The following LMBR1 variants were observed in gnomAD, a reference collection of about 807,000 sequenced individuals.
LMBR1 encodes the protein limb development membrane protein 1, also known as limb region 1 protein homolog.
Under a neutral mutation model 73.9 loss-of-function variants are expected in LMBR1, and 52 were observed. The observed-to-expected ratio is 0.70, with a 90% CI of 0.56 to 0.89. The LOEUF (loss-of-function observed/expected upper bound fraction) is 0.89, where lower values mean the gene tolerates loss of function less well. LMBR1 is among the 40% of genes least tolerant of loss of function. The probability of loss-of-function intolerance (pLI) is 0.00; values close to 1 mark genes in which losing one functional copy is unlikely to be tolerated. For synonymous variants in LMBR1, 215 were observed against 209.4 expected (o/e 1.03, Z -0.23); for missense variants, 539 against 579.8 (o/e 0.93, Z 0.72).
At chr7:156,690,423 G>A (rs149011693) in intron 15 of LMBR1, among the ~76,000 whole-genome samples, 1 of 152,172 alleles carries the variant, frequency 6.6e-6, no homozygotes, top group African/African-American at 2.4e-5. Context: ...TACCAGCCCT[G>A]TACATGGCCT....
At chr7:156,755,376 C>A (rs1360314338) in intron 9 of LMBR1, among the ~76,000 whole-genome samples, 3 of 152,158 alleles carry the variant, frequency 2.0e-5, no homozygotes, top group African/African-American at 7.2e-5. Context: ...AAAGTCAATT[C>A]AAAATTCTTC....
intron 9 of LMBR1, among the ~76,000 whole-genome samples, chr7:156,742,399 C>A (rs1819062981): frequency 6.6e-6 from 1 of 151,572 alleles, no homozygotes; most frequent in Non-Finnish European, 1.5e-5. Flanking sequence ...AAGAGAAGAT[C>A]CAAATAAAAT....
intron 1 of LMBR1, among the ~76,000 whole-genome samples, chr7:156,843,572 G>T (rs1839082027): frequency 6.6e-6 from 1 of 152,130 alleles, no homozygotes; most frequent in Non-Finnish European, 1.5e-5. Flanking sequence ...AAGGCTGGGT[G>T]CAGTGGCTCC....
At chr7:156,737,923 A>T (rs186153099) in intron 9 of LMBR1, among the ~76,000 whole-genome samples, 342 of 152,308 alleles carry the variant, frequency 2.2e-3, no homozygotes, top group Admixed American at 4.6e-3. Flanking sequence ...GCGGAGCAAG[A>T]TGACCAAATA....
chr7:156,754,808 A>T (rs1432999744), intron 9 of LMBR1, among the ~76,000 whole-genome samples: 1 of 152,120 alleles, frequency 6.6e-6, no homozygotes, highest in Non-Finnish European at 1.5e-5. Flanking sequence ...TTCTAAGCAT[A>T]CCCTACTGAA....
At chr7:156,886,080 G>A (rs1238080213) in intron 1 of LMBR1, among the ~76,000 whole-genome samples, 2 of 151,728 alleles carry the variant, frequency 1.3e-5, no homozygotes, top group East Asian at 1.9e-4. Context: ...CCTTCAAGTA[G>A]GAAGATCTCT....
chr7:156,770,097 A>G (rs1051039963), intron 5 of LMBR1, among the ~76,000 whole-genome samples: 8 of 152,256 alleles, frequency 5.3e-5, no homozygotes, highest in African/African-American at 1.7e-4. Flanking sequence ...TAATAAACCT[A>G]AAGTAATCCC....
At chr7:156,713,922 T>A (rs1223662850) in intron 15 of LMBR1, among the ~76,000 whole-genome samples, 2 of 152,214 alleles carry the variant, frequency 1.3e-5, no homozygotes, top group African/African-American at 4.8e-5. Context: ...TAAGTTAAAT[T>A]TTTAAAGAAT....
chr7:156,698,317 T>C (rs1416269024), intron 15 of LMBR1, among the ~76,000 whole-genome samples: 1 of 152,214 alleles, frequency 6.6e-6, no homozygotes, highest in Admixed American at 6.5e-5. Context: ...ATCTACCATT[T>C]TGAGGTCTGG....
chr7:156,797,259 G>A (rs1830202265), intron 4 of LMBR1, among the ~76,000 whole-genome samples: 1 of 152,184 alleles, frequency 6.6e-6, no homozygotes, highest in African/African-American at 2.4e-5. Flanking sequence ...AAAAGACAGA[G>A]CCCTGTTAGG....
chr7:156,841,101 A>G (rs1586163492), intron 1 of LMBR1, among the ~76,000 whole-genome samples: 1 of 152,192 alleles, frequency 6.6e-6, no homozygotes. Context: ...CTCAGAAGAC[A>G]TGGAATTCTG....
chr7:156,765,316 T>G (rs1823887446), intron 5 of LMBR1, among the ~76,000 whole-genome samples: 1 of 152,130 alleles, frequency 6.6e-6, no homozygotes, highest in Admixed American at 6.5e-5. Flanking sequence ...TGATATTGAG[T>G]GAGTTCTCAT....
chr7:156,791,013 G>T (rs537798951), intron 5 of LMBR1, among the ~76,000 whole-genome samples: 1 of 152,080 alleles, frequency 6.6e-6, no homozygotes, highest in Non-Finnish European at 1.5e-5. Context: ...GTAAAAACTA[G>T]TGCTCTCAAT....
At chr7:156,883,315 C>G (rs1048463784) in intron 1 of LMBR1, among the ~76,000 whole-genome samples, 2 of 151,808 alleles carry the variant, frequency 1.3e-5, no homozygotes, top group Non-Finnish European at 2.9e-5. Context: ...AGGAGAATTG[C>G]TTGAACTCGG....
At position 156,826,717 on chromosome 7, in the gene LMBR1, T is replaced by G. The variant is rs1401123647; in HGVS notation, c.207A>C (p.Ala69=). The part of the protein sequence containing the change: ...ISLFLSTFTL[A]VSAGAVLLLP... ...AAAGCAAAACAGCCCCAGCTGACAC[T>G]GCGAGAGTGAACGTGCTCAAAAACA... Residue 69 remains alanine, a synonymous_variant, in exon 4 of 17, where the codon GCA becomes GCC. Coordinates refer to ENST00000353442, the MANE Select transcript of LMBR1 (RefSeq NM_022458.4). 2 of 1,611,602 alleles carry G rather than the reference T, an allele frequency of 1.2e-6. No individual in the cohort carries two copies. The highest frequency in any genetic ancestry group is 2.2e-5 in the East Asian group (1 of 44,860).
chr7:156,779,843 C>T (rs1439365134), intron 5 of LMBR1: 1 of 389,454 alleles, frequency 2.6e-6, no homozygotes, highest in Non-Finnish European at 4.8e-6. Context: ...CTATTGTTTT[C>T]ACTTAACAAA....
intron 4 of LMBR1, among the ~76,000 whole-genome samples, chr7:156,813,560 T>A (rs1014632031): frequency 1.3e-5 from 2 of 152,178 alleles, no homozygotes; most frequent in African/African-American, 4.8e-5. Context: ...GAAATATACG[T>A]TCTCTTCATT....
At chr7:156,719,081 C>T (rs1340542789) in intron 15 of LMBR1, among the ~76,000 whole-genome samples, 1 of 151,596 alleles carries the variant, frequency 6.6e-6, no homozygotes, top group Admixed American at 6.6e-5. Flanking sequence ...GTGCTGCACC[C>T]ATTAACTCGT....
At chr7:156,704,169 C>G (rs572691366) in intron 15 of LMBR1, among the ~76,000 whole-genome samples, 1 of 152,298 alleles carries the variant, frequency 6.6e-6, no homozygotes, top group East Asian at 1.9e-4. Context: ...AACACAGGCG[C>G]CAGAATACAC....
Sources: allele counts gnomAD v4.1 joint callset (sites outside exome capture counted in the v4.1 genomes callset), GRCh38; gene constraint gnomAD v4.1.1; transcripts MANE v1.5; gene names NCBI Gene and HGNC (gene_info 2026-07-23, HGNC 2026-07-21).